LUZP2: variants seen among roughly 807,000 people sequenced by gnomAD.
LUZP2 encodes the protein leucine zipper protein 2.
A neutral mutation model predicts 51.6 loss-of-function variants in LUZP2; 52 were observed. The observed-to-expected ratio is 1.01, with a 90% CI of 0.81 to 1.27. The LOEUF (loss-of-function observed/expected upper bound fraction) is 1.27. Among genes scored for constraint, LUZP2 ranks in the 50% most tolerant of loss-of-function variants. The pLI is 0.00. For missense variants in LUZP2, 436 were observed against 395.4 expected, an observed-to-expected ratio of 1.10 and a Z score of -0.87; for synonymous variants, 154 against 137.3, an observed-to-expected ratio of 1.12 and a Z score of -0.85.
chr11:24,971,589 T>A (rs1244615963), intron 7 of LUZP2, among the ~76,000 whole-genome samples: 1 of 152,058 alleles, frequency 6.6e-6, no homozygotes, highest in East Asian at 1.9e-4. Flanking sequence ...TCATGCAATA[T>A]CCGCATGTAA....
chr11:24,762,436 T>C (rs139690269), intron 4 of LUZP2, among the ~76,000 whole-genome samples: 1,657 of 152,288 alleles, frequency 0.011, 14 homozygotes, highest in Non-Finnish European at 0.018. Context: ...TTTGAATATA[T>C]CAAATTAAGT....
intron 9 of LUZP2, among the ~76,000 whole-genome samples, chr11:25,018,219 G>A (rs1252015160): frequency 6.6e-6 from 1 of 151,970 alleles, no homozygotes; most frequent in Non-Finnish European, 1.5e-5. Flanking sequence ...GCATCTTTAG[G>A]ATATTCTAGG....
intron 1 of LUZP2, among the ~76,000 whole-genome samples, chr11:24,506,943 G>C (rs1032601757): frequency 6.6e-6 from 1 of 152,054 alleles, no homozygotes; most frequent in Non-Finnish European, 1.5e-5. Flanking sequence ...TAAGAAAGCA[G>C]AAGCTAAACC....
At chr11:24,505,209 C>A (rs1850111750) in intron 1 of LUZP2, among the ~76,000 whole-genome samples, 1 of 152,056 alleles carries the variant, frequency 6.6e-6, no homozygotes, top group African/African-American at 2.4e-5. Context: ...TGGTTTCTGA[C>A]CTTCAGATTC....
chr11:24,917,675 T>C (rs1175950334), intron 7 of LUZP2, among the ~76,000 whole-genome samples: 1 of 151,794 alleles, frequency 6.6e-6, no homozygotes, highest in Admixed American at 6.6e-5. Context: ...GAGGGCTCTG[T>C]TCTGTTCCAT....
intron 1 of LUZP2, among the ~76,000 whole-genome samples, chr11:24,539,679 G>A (rs1336159903): frequency 1.3e-5 from 2 of 151,906 alleles, no homozygotes; most frequent in East Asian, 3.9e-4. Context: ...AGTGACAGAA[G>A]TACATATATA....
intron 1 of LUZP2, among the ~76,000 whole-genome samples, chr11:24,720,923 G>C (rs1590397662): frequency 6.6e-6 from 1 of 152,050 alleles, no homozygotes; most frequent in Non-Finnish European, 1.5e-5. Flanking sequence ...TCCTGACCTC[G>C]TGATCTGTCC....
chr11:24,687,197 T>C (rs1856922706), intron 1 of LUZP2, among the ~76,000 whole-genome samples: 1 of 152,150 alleles, frequency 6.6e-6, no homozygotes, highest in Non-Finnish European at 1.5e-5. Context: ...ATGTATAAAA[T>C]GACATATGCA....
chr11:24,545,554 G>A (rs953556376), intron 1 of LUZP2, among the ~76,000 whole-genome samples: 1 of 35,368 alleles, frequency 2.8e-5, no homozygotes, highest in Non-Finnish European at 6.8e-5. Flanking sequence ...ATTGTTGCTT[G>A]CTTTTTTTTT....
intron 1 of LUZP2, among the ~76,000 whole-genome samples, chr11:24,637,659 A>G (rs74621365): frequency 0.01 from 1,557 of 151,890 alleles, 54 homozygotes; most frequent in African/African-American, 0.036. Context: ...ATTGATAATA[A>G]GGACTGAAAT....
intron 7 of LUZP2, among the ~76,000 whole-genome samples, chr11:24,975,533 A>G (rs1234826239): frequency 6.6e-6 from 1 of 152,096 alleles, no homozygotes; most frequent in Admixed American, 6.6e-5. Flanking sequence ...AGATTAATCA[A>G]AGGATGAATG....
intron 1 of LUZP2, among the ~76,000 whole-genome samples, chr11:24,715,858 T>C (rs1427137831): frequency 6.6e-6 from 1 of 152,204 alleles, no homozygotes; most frequent in Admixed American, 6.6e-5. Flanking sequence ...CAATAAAATA[T>C]ATACTACTTC....
chr11:24,838,889 T>C (rs905467432), intron 5 of LUZP2, among the ~76,000 whole-genome samples: 21 of 151,756 alleles, frequency 1.4e-4, no homozygotes, highest in African/African-American at 5.1e-4. Flanking sequence ...ATTCAGGCAT[T>C]TTGAATTCTC....
chr11:24,577,475 A>G (rs543268734), intron 1 of LUZP2, among the ~76,000 whole-genome samples: 6 of 152,280 alleles, frequency 3.9e-5, no homozygotes, highest in African/African-American at 1.4e-4. Flanking sequence ...TCTGTATTTC[A>G]TGATTAGTTG....
intron 1 of LUZP2, among the ~76,000 whole-genome samples, chr11:24,551,227 A>C (rs1851715258): frequency 6.6e-6 from 1 of 152,126 alleles, no homozygotes. Context: ...CAAATGTAAT[A>C]TATACGTACT....
intron 1 of LUZP2, among the ~76,000 whole-genome samples, chr11:24,692,304 G>A (rs143356602): frequency 1.7e-4 from 26 of 152,124 alleles, no homozygotes; most frequent in Middle Eastern, 3.4e-3. Flanking sequence ...AAAAATGGCC[G>A]TATCAGGTTC....
intron 9 of LUZP2, among the ~76,000 whole-genome samples, chr11:25,045,487 A>T (rs4923235): frequency 0.4 from 61,193 of 151,844 alleles, 13,449 homozygotes; most frequent in Non-Finnish European, 0.49. Context: ...CTAAAATGTC[A>T]AAGTCCCATA....
intron 1 of LUZP2, among the ~76,000 whole-genome samples, chr11:24,720,114 G>A (rs1457178134): frequency 2.0e-5 from 3 of 152,024 alleles, no homozygotes; most frequent in Non-Finnish European, 4.4e-5. Flanking sequence ...GAGTATTTAC[G>A]TATCTATTAA....
chr11:25,038,839 T>C (rs984439677), intron 9 of LUZP2, among the ~76,000 whole-genome samples: 1 of 152,240 alleles, frequency 6.6e-6, no homozygotes, highest in Non-Finnish European at 1.5e-5. Context: ...GAAGCTTTCA[T>C]AGAGCTAAGG....
Sources: allele counts gnomAD v4.1 joint callset (sites outside exome capture counted in the v4.1 genomes callset), GRCh38; gene constraint gnomAD v4.1.1; transcripts MANE v1.5; gene names NCBI Gene and HGNC (gene_info 2026-07-23, HGNC 2026-07-21).